Variants in SLC9A9 observed in about 807,000 individuals in gnomAD.
SLC9A9 encodes the protein solute carrier family 9 member A9.
A neutral mutation model predicts 77.8 loss-of-function variants in SLC9A9; 62 were observed. The ratio of observed to expected loss-of-function variants is 0.80; its 90% confidence interval spans 0.65 to 0.98. SLC9A9 has a LOEUF of 0.98. SLC9A9 is among the 50% of genes least tolerant of loss of function. The pLI is 0.00. For synonymous variants in SLC9A9, 320 were observed against 283.5 expected (o/e 1.13, Z -1.29); for missense variants, 775 against 774.9 (o/e 1.00, Z 0.00).
chr3:143,378,096 A>G (rs2033221630), intron 13 of SLC9A9, among the ~76,000 whole-genome samples: 1 of 152,158 alleles, frequency 6.6e-6, no homozygotes, highest in Non-Finnish European at 1.5e-5. Context: ...CTATCCTCTG[A>G]CCTGCTTTAC....
chr3:143,801,243 G>A (rs948230039), intron 2 of SLC9A9, among the ~76,000 whole-genome samples: 14 of 152,220 alleles, frequency 9.2e-5, no homozygotes, highest in Middle Eastern at 3.4e-3. Context: ...TACCGGGACC[G>A]CGCCCTGTAG....
chr3:143,555,386 A>C (rs2036963176), intron 8 of SLC9A9, among the ~76,000 whole-genome samples: 1 of 152,220 alleles, frequency 6.6e-6, no homozygotes, highest in South Asian at 2.1e-4. Flanking sequence ...ATACACTGTA[A>C]CACAAGGCAA....
intron 6 of SLC9A9, among the ~76,000 whole-genome samples, chr3:143,591,673 G>A (rs1425445867): frequency 6.8e-6 from 1 of 146,124 alleles, no homozygotes; most frequent in Non-Finnish European, 1.5e-5. Context: ...AGAGTCAGAG[G>A]CTAGATATAA....
intron 12 of SLC9A9, among the ~76,000 whole-genome samples, chr3:143,459,929 T>C (rs1013760521): frequency 6.6e-6 from 1 of 152,154 alleles, no homozygotes; most frequent in Non-Finnish European, 1.5e-5. Context: ...GGTTGATATT[T>C]TAGCTGCCTT....
intron 4 of SLC9A9, among the ~76,000 whole-genome samples, chr3:143,719,749 G>T (rs947103878): frequency 2.0e-5 from 3 of 152,172 alleles, no homozygotes; most frequent in African/African-American, 7.2e-5. Context: ...CCCCAATTCT[G>T]ATCCTGCATA....
intron 4 of SLC9A9, among the ~76,000 whole-genome samples, chr3:143,774,000 C>G (rs1282142971): frequency 6.6e-6 from 1 of 152,082 alleles, no homozygotes; most frequent in African/African-American, 2.4e-5. Context: ...AAAAGTTTTT[C>G]AAATGCAAAT....
chr3:143,766,149 T>C (rs1418398349), intron 4 of SLC9A9, among the ~76,000 whole-genome samples: 4 of 152,188 alleles, frequency 2.6e-5, no homozygotes, highest in Non-Finnish European at 4.4e-5. Context: ...GAAGCATTAT[T>C]GAGGCAATAG....
intron 13 of SLC9A9, among the ~76,000 whole-genome samples, chr3:143,365,549 CT>C (rs1267623031): frequency 6.6e-6 from 1 of 152,218 alleles, no homozygotes; most frequent in Non-Finnish European, 1.5e-5. Flanking sequence ...TTCCCAGTCC[CT>C]ACTGTGGGAC....
intron 6 of SLC9A9, among the ~76,000 whole-genome samples, chr3:143,586,469 G>GT (rs2037543450): frequency 6.6e-6 from 1 of 152,014 alleles, no homozygotes; most frequent in African/African-American, 2.4e-5. Flanking sequence ...AACCTGCTCT[G>GT]TTTTTTTGGG....
At chr3:143,440,468 TCATATA>T (rs2034712581) in intron 12 of SLC9A9, among the ~76,000 whole-genome samples, 2 of 152,092 alleles carry the variant, frequency 1.3e-5, no homozygotes, top group South Asian at 4.1e-4. Flanking sequence ...GGGGGACAAG[TCATATA>T]CATGAAGGCT....
At chr3:143,545,824 C>T (rs1282946674) in intron 9 of SLC9A9, among the ~76,000 whole-genome samples, 1 of 152,156 alleles carries the variant, frequency 6.6e-6, no homozygotes, top group African/African-American at 2.4e-5. Flanking sequence ...GTGATTTGGC[C>T]TCAAGTTAAA....
chr3:143,426,174 C>A (rs192474828), intron 12 of SLC9A9, among the ~76,000 whole-genome samples: 2 of 152,146 alleles, frequency 1.3e-5, no homozygotes, highest in African/African-American at 4.8e-5. Flanking sequence ...CACAGATGTA[C>A]GGACTGGCAA....
At chr3:143,703,310 T>C (rs1296276066) in intron 4 of SLC9A9, among the ~76,000 whole-genome samples, 1 of 152,082 alleles carries the variant, frequency 6.6e-6, no homozygotes, top group Non-Finnish European at 1.5e-5. Flanking sequence ...ACAGGACATA[T>C]GTTAGATCAC....
intron 6 of SLC9A9, among the ~76,000 whole-genome samples, chr3:143,621,794 G>C (rs928960892): frequency 6.6e-6 from 1 of 152,116 alleles, no homozygotes; most frequent in Non-Finnish European, 1.5e-5. Context: ...AGAGAAGAAG[G>C]CTTCAGACGA....
chr3:143,818,781 G>A (rs1052775971), intron 2 of SLC9A9, among the ~76,000 whole-genome samples: 5 of 151,972 alleles, frequency 3.3e-5, no homozygotes, highest in African/African-American at 7.3e-5. Flanking sequence ...GAATGTTAAC[G>A]GTTAAAAACT....
chr3:143,489,261 C>T (rs1008831627), intron 11 of SLC9A9, among the ~76,000 whole-genome samples: 2 of 151,878 alleles, frequency 1.3e-5, no homozygotes, highest in African/African-American at 2.4e-5. Flanking sequence ...GGGAAACATC[C>T]TATGCTTATG....
intron 14 of SLC9A9, among the ~76,000 whole-genome samples, chr3:143,336,815 A>G (rs2031937733): frequency 6.6e-6 from 1 of 152,108 alleles, no homozygotes; most frequent in Non-Finnish European, 1.5e-5. Context: ...GATCGGTTTT[A>G]CAACAATGTG....
At chr3:143,477,156 C>T (rs775991768) in intron 11 of SLC9A9, among the ~76,000 whole-genome samples, 2 of 152,104 alleles carry the variant, frequency 1.3e-5, no homozygotes, top group African/African-American at 2.4e-5. Context: ...GGTACAGCCA[C>T]GTGACTGGTT....
intron 13 of SLC9A9, among the ~76,000 whole-genome samples, chr3:143,380,899 C>T (rs766841008): frequency 1.3e-5 from 2 of 152,130 alleles, no homozygotes; most frequent in Non-Finnish European, 2.9e-5. Context: ...GAAAAACAAG[C>T]ATGAAATAAA....
Sources: gnomAD v4.1 joint callset for allele counts (sites outside exome capture counted in the v4.1 genomes callset) on GRCh38, gnomAD v4.1.1 for gene constraint, MANE v1.5 for transcripts, NCBI Gene and HGNC (gene_info 2026-07-23, HGNC 2026-07-21) for gene names.